ZMYND15: variants seen among roughly 807,000 people sequenced by gnomAD.
ZMYND15 encodes the protein zinc finger MYND domain-containing protein 15.
ZMYND15 carries 54 observed loss-of-function variants against 81.7 expected under a neutral mutation model. The observed-to-expected ratio is 0.66, with a 90% confidence interval of 0.53 to 0.83. The LOEUF is 0.83. ZMYND15 is among the 40% of genes least tolerant of loss of function. ZMYND15 has a pLI of 0.00. For synonymous variants in ZMYND15, 399 were observed against 387.0 expected, an observed-to-expected ratio of 1.03 and a Z score of -0.36; for missense variants, 925 against 973.5, an observed-to-expected ratio of 0.95 and a Z score of 0.66.
At position 4,745,150 on chromosome 17, in the gene ZMYND15, G is replaced by T; in HGVS notation, c.1897-65G>T. On this transcript the variant is annotated intron_variant, in intron 12 of 13. Coordinates refer to ENST00000433935, the MANE Select transcript of ZMYND15 (RefSeq NM_001136046.3). The surrounding 1 kb of genome is among the most constrained non-coding windows in gnomAD (Gnocchi z 5.2). ...GGGACCTCGGCTTTCAGCCCGGTCT[G>T]TCATTCTGGCTGCTGGGATGGATTT... 6.2e-7 allele frequency: 1 copy of T among 1,611,790 alleles called. No homozygotes were observed. The highest frequency in any genetic ancestry group is 8.5e-7 in the Non-Finnish European group (1 of 1,178,854).
At chr17:4,742,138 G>C in intron 4 of ZMYND15, 68 bp downstream of exon 4, 1 of 1,597,050 alleles carries the variant, frequency 6.3e-7, no homozygotes, top group Non-Finnish European at 8.5e-7. Context: ...CAGGGTGGTG[G>C]GGGGCGCCTA....
rs1004097532 is a variant in ZMYND15 at position 4,743,113 on chromosome 17, G to A, written c.1145-190G>A. Among the ~76,000 whole-genome samples the A allele has an allele frequency of 5.3e-5, 8 of 151,968 alleles. No individual in the cohort carries two copies. The highest frequency in any genetic ancestry group is 2.6e-4 in the Admixed American group (4 of 15,250). ...AAAATTAGTCAGGCATGGTGCACTC[G>A]CTTGTGGTCACAATTCTCGGGAGAC... On this transcript the variant is annotated intron_variant, in intron 5 of 13. Coordinates refer to ENST00000433935, the MANE Select transcript of ZMYND15 (RefSeq NM_001136046.3). This position sits in a 1 kb window ranked among gnomAD's most constrained non-coding sequence, Gnocchi z 4.3.
chr17:4,741,300 T>C (rs1597503233), intron 2 of ZMYND15, among the ~76,000 whole-genome samples, 160 bp downstream of exon 2: 1 of 151,724 alleles, frequency 6.6e-6, no homozygotes, highest in Admixed American at 6.6e-5. Context: ...TAATTTAATG[T>C]TTAAACATTG....
Position 4,741,136 on chromosome 17 carries a change from G to A in ZMYND15, c.588G>A (p.Arg196=). Residue 196 remains arginine, a synonymous_variant, in exon 2 of 14, where the codon AGG becomes AGA. Transcript: ENST00000433935. The part of the protein sequence containing the change: ...ETRPQKRKGQ[R]SEAAPLHVSC... ...GACCCCAGAAGAGGAAGGGACAGAG[G>A]AGTGGTAAGAACCCAGGGCTGGCCC... 1.4e-6 allele frequency: 2 copies of A among 1,465,926 alleles called. No homozygotes were observed. Among genetic ancestry groups the A allele is most frequent in the Non-Finnish European group, 1.8e-6 (2 of 1,102,728 alleles). The allele number at this position is 1,465,926 out of a possible 1,614,324, so 90.8% of individuals were successfully genotyped here. A position where few individuals can be genotyped will look rare whatever the true frequency, so the allele number is the denominator to read the frequency against.
At chr17:4,742,751 AC>A (rs1417074709) in intron 5 of ZMYND15, among the ~76,000 whole-genome samples, 16 of 152,178 alleles carry the variant, frequency 1.1e-4, no homozygotes, top group Admixed American at 1.0e-3. Context: ...TCCCAGCTCC[AC>A]CACTAACTGC....
At position 4,739,858 on chromosome 17, in the gene ZMYND15, C is replaced by A; in HGVS notation, c.-223C>A. The A allele has an allele frequency of 1.0e-5, 10 of 987,076 alleles. No individual in the cohort carries two copies. Among genetic ancestry groups the A allele is most frequent in the Non-Finnish European group, 1.1e-5 (9 of 831,028 alleles). 61.1% of individuals were successfully genotyped at this position (987,076 alleles called of 1,614,324 possible). A position where few individuals can be genotyped will look rare whatever the true frequency, so the allele number is the denominator to read the frequency against. ...AGCCGCGCTGCATGAGCCTCCCGGG[C>A]GGCCCGGTGGAGAGAGTCGCCGCCA... On this transcript the variant is annotated 5_prime_UTR_variant, in exon 1 of 14. Transcript: ENST00000433935. This position sits in a 1 kb window ranked among gnomAD's most constrained non-coding sequence, Gnocchi z 5.3.
At chr17:4,742,234 C>A (rs1916460518) in intron 4 of ZMYND15, 97 bp from the exon 5 acceptor site, 1 of 1,549,774 alleles carries the variant, frequency 6.5e-7, no homozygotes, top group African/African-American at 1.4e-5. Flanking sequence ...GTAAGACAAA[C>A]AGACCGAGTG....
rs1417083156 is a variant in ZMYND15, at chr17:4,745,299, G to A, written c.1981G>A (p.Gly661Arg). Residue 661 changes from glycine to arginine, a missense_variant, in exon 13 of 14, where the codon GGG (glycine) becomes AGG (arginine). Coordinates refer to ENST00000433935, the MANE Select transcript of ZMYND15 (RefSeq NM_001136046.3). This position sits in a 1 kb window ranked among gnomAD's most constrained non-coding sequence, Gnocchi z 5.2. ...CCAGACCATGGCGGTGGCCACTGGA[G>A]GGGGCACCAGCCCTCCCCAGCCCAA... ...DGQTMAVATG[G>R]GTSPPQPNPF... 1.9e-6 allele frequency: 3 copies of A among 1,613,730 alleles called. No homozygotes were observed. In the Admixed American group the frequency reaches 5.0e-5, roughly 27 times the overall value.
chr17:4,745,976 C>T lies in ZMYND15; in HGVS notation c.2215C>T (p.Arg739Cys). 1.4e-5 allele frequency: 20 copies of T among 1,441,876 alleles called. No individual in the cohort carries two copies. Among genetic ancestry groups the T allele is most frequent in the Non-Finnish European group, 1.7e-5 (19 of 1,102,062 alleles). The allele number at this position is 1,441,876 out of a possible 1,614,324, so 89.3% of individuals were successfully genotyped here. A position where few individuals can be genotyped will look rare whatever the true frequency, so the allele number is the denominator to read the frequency against. ...RGEKKPGRGA[R>C]RRK is the part of the protein sequence containing the mutation. ...AGAAAAGAAACCTGGGCGGGGGGCC[C>T]GCCGGCGGAAATGAATGCTGATACC... Residue 739 changes from arginine to cysteine, a missense_variant, in exon 14 of 14, where the codon CGC (arginine) becomes TGC (cysteine). By Grantham distance (180) the Arg-to-Cys change is radical. Coordinates refer to ENST00000433935, the MANE Select transcript of ZMYND15 (RefSeq NM_001136046.3). This position sits in a 1 kb window ranked among gnomAD's most constrained non-coding sequence, Gnocchi z 5.2.
Position 4,741,588 on chromosome 17 carries a change from C to T in ZMYND15, c.599C>T (p.Ala200Val), listed in dbSNP as rs1916415824. The T allele has an allele frequency of 6.2e-7, 1 of 1,613,834 alleles. No homozygotes were observed. Among genetic ancestry groups the T allele is most frequent in the South Asian group, 1.1e-5 (1 of 91,080 alleles). The change falls in exon 3 of 14, where the codon GCC becomes GTC. Residue 200 changes from alanine (A) to valine (V), a missense_variant. By Grantham distance (64) the Ala-to-Val change is moderately conservative. Coordinates refer to ENST00000433935, the MANE Select transcript of ZMYND15 (RefSeq NM_001136046.3). ...CTTTTCCCTCTTTCCCCAGAGGCTG[C>T]CCCCCTGCACGTTTCCTGTCTCTTA... ...QKRKGQRSEAAPLHVSCLLLV... is the reference protein window; with the variant it reads ...QKRKGQRSEAVPLHVSCLLLV...
chr17:4,743,981 C>T lies in ZMYND15; in HGVS notation c.1379-10C>T, dbSNP rs1475679497. 2.6e-6 allele frequency: 4 copies of T among 1,554,100 alleles called. No homozygotes were observed. Among genetic ancestry groups the T allele is most frequent in the East Asian group, 2.4e-5 (1 of 41,102 alleles). On this transcript the variant is annotated splice_polypyrimidine_tract_variant and intron_variant, in intron 7 of 13. Transcript: ENST00000433935. This position sits in a 1 kb window ranked among gnomAD's most constrained non-coding sequence, Gnocchi z 4.3. ...CAGGGCCAGGTCCTCTAGCAACCCTCTCCTGCCAGGCTCATGGCAGGATTA... is the reference window on the plus strand; with the variant it reads ...CAGGGCCAGGTCCTCTAGCAACCCTTTCCTGCCAGGCTCATGGCAGGATTA...
At position 4,745,409 on chromosome 17, in the gene ZMYND15, C is replaced by T; in HGVS notation, c.2057+34C>T. On this transcript the variant is annotated intron_variant, in intron 13 of 13. Coordinates refer to ENST00000433935, the MANE Select transcript of ZMYND15 (RefSeq NM_001136046.3). The surrounding 1 kb of genome is among the most constrained non-coding windows in gnomAD (Gnocchi z 5.2). ...CTGCGACCCTATTTCCTTCCTGACC[C>T]TTAACTTCTCTTACTCTCTGGCTCC... The T allele has an allele frequency of 6.4e-7, 1 of 1,557,620 alleles. No homozygotes were observed. Among genetic ancestry groups the T allele is most frequent in the South Asian group, 1.2e-5 (1 of 81,918 alleles).
In ZMYND15 at chr17:4,745,376, G is replaced by GT; in HGVS notation, c.2057+2dup. On this transcript the variant is annotated splice_donor_variant, in intron 13 of 13. Coordinates refer to ENST00000433935, the MANE Select transcript of ZMYND15 (RefSeq NM_001136046.3). LOFTEE classifies it high-confidence loss of function. This position sits in a 1 kb window ranked among gnomAD's most constrained non-coding sequence, Gnocchi z 5.2. ...GAGCGGCCGACAACTGCATGTCCTGGTAAGGGTCTGCGACCCTATTTCCTT... is the reference window on the plus strand; with the variant it reads ...GAGCGGCCGACAACTGCATGTCCTGGTTAAGGGTCTGCGACCCTATTTCCTT... 1 of 1,595,924 alleles carries GT rather than the reference G, an allele frequency of 6.3e-7. No homozygotes were observed. The highest frequency in any genetic ancestry group is 8.5e-7 in the Non-Finnish European group (1 of 1,172,302).
Position 4,743,083 on chromosome 17 carries a change from T to C in ZMYND15, c.1145-220T>C, listed in dbSNP as rs551746507. 2.0e-5 allele frequency among the ~76,000 whole-genome samples: 3 copies of C among 151,734 alleles called. No homozygotes were observed. Among genetic ancestry groups the C allele is most frequent in the East Asian group, 3.9e-4 (2 of 5,158 alleles). On this transcript the variant is annotated intron_variant, in intron 5 of 13. Transcript: ENST00000433935. This position sits in a 1 kb window ranked among gnomAD's most constrained non-coding sequence, Gnocchi z 4.3. Reference sequence around the variant, plus strand: ...ACATAGACTCTGTCTCTACAAAAAATAGAAAAAATTAGTCAGGCATGGTGC... The same window carrying C: ...ACATAGACTCTGTCTCTACAAAAAACAGAAAAAATTAGTCAGGCATGGTGC...
chr17:4,740,888 G>T lies in ZMYND15; in HGVS notation c.340G>T (p.Glu114Ter). The part of the protein sequence containing the change: ...ISFVSLEDGE[E>*]GEEEEEEDEE... ...CTTTGTCAGCCTAGAGGATGGGGAG[G>T]AAGGGGAGGAGGAAGAGGAGGAAGA... The change falls in exon 2 of 14, where the codon GAA (glutamate) becomes TAA (stop). Residue 114 changes from glutamate to a stop codon, truncating the protein, a stop_gained. Coordinates refer to ENST00000433935, the MANE Select transcript of ZMYND15 (RefSeq NM_001136046.3). LOFTEE classifies it high-confidence loss of function. The T allele has an allele frequency of 1.3e-6, 2 of 1,580,360 alleles. No homozygotes were observed. The highest frequency in any genetic ancestry group is 1.7e-6 in the Non-Finnish European group (2 of 1,160,728).
At position 4,741,821 on chromosome 17, in the gene ZMYND15, A is replaced by G. The variant is rs748887661; in HGVS notation, c.827+5A>G. 3.2e-6 allele frequency: 5 copies of G among 1,576,074 alleles called. No individual in the cohort carries two copies. The highest frequency in any genetic ancestry group is 1.2e-5 in the South Asian group (1 of 85,654). On this transcript the variant is annotated splice_donor_5th_base_variant and intron_variant, in intron 3 of 13. Coordinates refer to ENST00000433935, the MANE Select transcript of ZMYND15 (RefSeq NM_001136046.3). The stretch of plus-strand genomic sequence containing the variant: ...GGGAGATGCCCGGCTGCATCGGTAT[A>G]GAAATCTGGTATCTGAGGCTGGGGA...
chr17:4,741,104 G>T lies in ZMYND15; in HGVS notation c.556G>T (p.Glu186Ter). The change falls in exon 2 of 14, where the codon GAA becomes TAA. Residue 186 changes from glutamate to a stop codon, truncating the protein, a stop_gained. Coordinates refer to ENST00000433935, the MANE Select transcript of ZMYND15 (RefSeq NM_001136046.3). LOFTEE classifies it high-confidence loss of function. ...DGCREDRVEN[E>*]TRPQKRKGQR... is the part of the protein sequence containing the mutation. The stretch of plus-strand genomic sequence containing the variant: ...CTGCCGAGAGGACAGGGTGGAGAAC[G>T]AAACAAGACCCCAGAAGAGGAAGGG... The T allele has an allele frequency of 2.0e-6, 3 of 1,518,620 alleles. No individual in the cohort carries two copies. Among genetic ancestry groups the T allele is most frequent in the Non-Finnish European group, 2.7e-6 (3 of 1,128,420 alleles). The allele number at this position is 1,518,620 out of a possible 1,614,324, so 94.1% of individuals were successfully genotyped here. A position where few individuals can be genotyped will look rare whatever the true frequency, so the allele number is the denominator to read the frequency against.
chr17:4,741,357 A>G (rs901332992), intron 2 of ZMYND15, among the ~76,000 whole-genome samples: 1 of 152,114 alleles, frequency 6.6e-6, no homozygotes, highest in African/African-American at 2.4e-5. Flanking sequence ...TTCCCAAGAA[A>G]AATCTCAAGC....
chr17:4,743,328 A>T lies in ZMYND15; in HGVS notation c.1170A>T (p.Lys390Asn). 1 of 1,613,850 alleles carries T rather than the reference A, an allele frequency of 6.2e-7. No homozygotes were observed. The highest frequency in any genetic ancestry group is 8.5e-7 in the Non-Finnish European group (1 of 1,179,948). ...TAEVTSETFNKEAFLASRGLT... is the reference protein window; with the variant it reads ...TAEVTSETFNNEAFLASRGLT... ...AGGTGACCAGTGAAACCTTCAACAA[A>T]GAGGCCTTCCTGGCCTCTCGGGGCC... The change falls in exon 6 of 14, where the codon AAA becomes AAT. Residue 390 changes from lysine (K) to asparagine (N), a missense_variant. Physicochemically the swap from Lys to Asn is moderately conservative, Grantham distance 94. Transcript: ENST00000433935. This position sits in a 1 kb window ranked among gnomAD's most constrained non-coding sequence, Gnocchi z 4.3.
Sources: gnomAD v4.1 joint callset for allele counts (sites outside exome capture counted in the v4.1 genomes callset) on GRCh38, gnomAD v4.1.1 for gene constraint, Gnocchi (gnomAD v3.1) non-coding constraint, MANE v1.5 for transcripts, NCBI Gene and HGNC (gene_info 2026-07-23, HGNC 2026-07-21) for gene names.